GRIA1: variants seen among roughly 807,000 people sequenced by gnomAD.
GRIA1 encodes glutamate ionotropic receptor AMPA type subunit 1.
In GRIA1, 31 loss-of-function variants were observed where a neutral mutation model predicts 99.2. The ratio of observed to expected loss-of-function variants is 0.31; its 90% CI spans 0.23 to 0.42. The LOEUF (loss-of-function observed/expected upper bound fraction) is 0.42, where lower values mean the gene tolerates loss of function less well. Ranked by LOEUF, GRIA1 falls within the 10% of genes least tolerant of loss-of-function variation. The pLI is 1.00. For synonymous variants in GRIA1, 438 were observed against 432.4 expected (o/e 1.01, Z -0.16); for missense variants, 782 against 1,157.5 (o/e 0.68, Z 4.71).
intron 2 of GRIA1, among the ~76,000 whole-genome samples, chr5:153,510,289 G>C (rs1252497244): frequency 6.6e-6 from 1 of 152,142 alleles, no homozygotes. Flanking sequence ...GTGAATTTTA[G>C]GATAAAACTG....
At chr5:153,620,910 T>G (rs1766978364) in intron 2 of GRIA1, among the ~76,000 whole-genome samples, 2 of 152,210 alleles carry the variant, frequency 1.3e-5, no homozygotes, top group African/African-American at 4.8e-5. Flanking sequence ...TTCTTGAATC[T>G]CATTTTGTTC....
intron 2 of GRIA1, among the ~76,000 whole-genome samples, chr5:153,582,783 C>T (rs1763153966): frequency 6.6e-6 from 1 of 152,064 alleles, no homozygotes; most frequent in South Asian, 2.1e-4. Context: ...CCCACTCCTT[C>T]CCCTGACTTT....
At chr5:153,536,824 G>A (rs1323105030) in intron 2 of GRIA1, among the ~76,000 whole-genome samples, 3 of 152,050 alleles carry the variant, frequency 2.0e-5, no homozygotes, top group East Asian at 1.9e-4. Flanking sequence ...TAATATTTCC[G>A]GTCAATTCTC....
chr5:153,719,852 T>C (rs1759932257), intron 11 of GRIA1, among the ~76,000 whole-genome samples: 1 of 152,198 alleles, frequency 6.6e-6, no homozygotes, highest in Non-Finnish European at 1.5e-5. Context: ...TGTGGAATCA[T>C]TATGAAGATC....
At chr5:153,626,376 C>T (rs1417240506) in intron 2 of GRIA1, among the ~76,000 whole-genome samples, 1 of 151,712 alleles carries the variant, frequency 6.6e-6, no homozygotes, top group East Asian at 1.9e-4. Flanking sequence ...TCTCTTCCAG[C>T]TATGCCAGGC....
chr5:153,510,632 G>A (rs982380064), intron 2 of GRIA1, among the ~76,000 whole-genome samples: 2 of 152,176 alleles, frequency 1.3e-5, no homozygotes, highest in Admixed American at 6.5e-5. Flanking sequence ...GTTCAGACTA[G>A]AGAAGGCTTT....
At chr5:153,713,722 G>A (rs4613769) in intron 11 of GRIA1, among the ~76,000 whole-genome samples, 2,074 of 152,236 alleles carry the variant, frequency 0.014, 119 homozygotes, top group Admixed American at 0.094. Flanking sequence ...AGATTGTTCT[G>A]GAAGTTTATA....
intron 2 of GRIA1, among the ~76,000 whole-genome samples, chr5:153,646,561 T>G (rs1228199809): frequency 6.6e-6 from 1 of 152,202 alleles, no homozygotes; most frequent in Non-Finnish European, 1.5e-5. Flanking sequence ...ATAGGGTCAT[T>G]GTAGAGACCA....
intron 2 of GRIA1, among the ~76,000 whole-genome samples, chr5:153,587,694 C>T (rs539524141): frequency 6.6e-6 from 1 of 152,316 alleles, no homozygotes; most frequent in East Asian, 1.9e-4. Context: ...TATTCATCCA[C>T]TCATTCATTC....
chr5:153,667,081 C>G (rs529045166), intron 5 of GRIA1, among the ~76,000 whole-genome samples: 8 of 152,198 alleles, frequency 5.3e-5, no homozygotes, highest in Non-Finnish European at 7.3e-5. Flanking sequence ...AAGATTTTAT[C>G]TGACAATTTG....
At chr5:153,561,303 C>T (rs1165081092) in intron 2 of GRIA1, among the ~76,000 whole-genome samples, 1 of 152,144 alleles carries the variant, frequency 6.6e-6, no homozygotes, top group East Asian at 1.9e-4. Context: ...TGGCCAGGGT[C>T]ATGAAACTGG....
At chr5:153,769,527 A>G (rs1346217230) in intron 12 of GRIA1, among the ~76,000 whole-genome samples, 3 of 152,108 alleles carry the variant, frequency 2.0e-5, no homozygotes, top group Non-Finnish European at 4.4e-5. Flanking sequence ...AGGTGAGTTT[A>G]GGGGGAAATA....
chr5:153,702,392 C>T (rs951185980), intron 10 of GRIA1, among the ~76,000 whole-genome samples: 3 of 152,182 alleles, frequency 2.0e-5, no homozygotes, highest in South Asian at 2.1e-4. Context: ...CCGACTTTTC[C>T]GGGGCCACCC....
chr5:153,763,286 A>G lies in GRIA1; in HGVS notation c.1824-1148A>G, dbSNP rs138984257. ...AGTGTGGAACAACAGAGCAGCCAAC[A>G]GGCCCGCGTACTGCTGTCCCGAGGC... On this transcript the variant is annotated intron_variant, in intron 11 of 15. Transcript: ENST00000285900. 3.6e-4 allele frequency among the ~76,000 whole-genome samples: 55 copies of G among 152,330 alleles called. No homozygotes were observed. In the East Asian group the frequency reaches 0.01, roughly 29 times the overall value.
At chr5:153,708,588 C>G (rs116479539) in intron 11 of GRIA1, among the ~76,000 whole-genome samples, 1,745 of 152,316 alleles carry the variant, frequency 0.011, 38 homozygotes, top group Admixed American at 0.045. Flanking sequence ...TCCTATAACA[C>G]AGTACCCAGC....
chr5:153,654,468 A>G (rs981538921), intron 4 of GRIA1, among the ~76,000 whole-genome samples: 13 of 152,110 alleles, frequency 8.5e-5, no homozygotes, highest in Non-Finnish European at 1.8e-4. Context: ...AAGGTGTCTC[A>G]TTGTTGAAAA....
chr5:153,789,744 C>A (rs760973363), intron 13 of GRIA1, among the ~76,000 whole-genome samples: 8 of 152,114 alleles, frequency 5.3e-5, no homozygotes, highest in East Asian at 1.9e-4. Flanking sequence ...GTTATAATTT[C>A]TTTTACACAT....
chr5:153,764,724 G>T, intron 12 of GRIA1, 92 bp downstream of exon 12: 1 of 905,842 alleles, frequency 1.1e-6, no homozygotes, highest in Non-Finnish European at 1.8e-6. Flanking sequence ...TGAGATAACA[G>T]GCAGCCAGAG....
intron 2 of GRIA1, among the ~76,000 whole-genome samples, chr5:153,629,020 A>G (rs181093082): frequency 3.3e-5 from 5 of 152,154 alleles, no homozygotes; most frequent in African/African-American, 4.8e-5. Flanking sequence ...ACCAATGAGA[A>G]CCTCCAGCCC....
Sources: allele counts gnomAD v4.1 joint callset (sites outside exome capture counted in the v4.1 genomes callset), GRCh38; gene constraint gnomAD v4.1.1; transcripts MANE v1.5; gene names NCBI Gene and HGNC (gene_info 2026-07-23, HGNC 2026-07-21).